The following ETV6 variants were observed in gnomAD, a reference collection of about 807,000 sequenced individuals.
ETV6 encodes the protein ETS variant transcription factor 6.
A neutral mutation model predicts 51.1 loss-of-function variants in ETV6; 16 were observed. That is an observed-to-expected ratio of 0.31 (90% CI 0.21 to 0.48). ETV6 has a LOEUF of 0.48. ETV6 is among the 20% of genes least tolerant of loss of function. The pLI, the probability that ETV6 is intolerant of heterozygous loss-of-function variation, is 0.99. For synonymous variants in ETV6, 240 were observed against 224.1 expected, an observed-to-expected ratio of 1.07 and a Z score of -0.64; for missense variants, 458 against 594.8, an observed-to-expected ratio of 0.77 and a Z score of 2.39.
intron 5 of ETV6, among the ~76,000 whole-genome samples, chr12:11,876,617 A>G (rs1474917425): frequency 6.6e-6 from 1 of 152,188 alleles, no homozygotes; most frequent in African/African-American, 2.4e-5. Context: ...CAATTGTTTT[A>G]TAATCCATTC....
chr12:11,851,071 G>C (rs1045557280), intron 3 of ETV6, among the ~76,000 whole-genome samples: 2 of 151,820 alleles, frequency 1.3e-5, no homozygotes, highest in African/African-American at 4.8e-5. Context: ...TGGTGCACAG[G>C]AGTTGGGACT....
chr12:11,729,790 T>G (rs1426899722), intron 1 of ETV6, among the ~76,000 whole-genome samples: 1 of 152,230 alleles, frequency 6.6e-6, no homozygotes, highest in Non-Finnish European at 1.5e-5. Flanking sequence ...TAAAAAATTT[T>G]TTTATCTTAC....
intron 2 of ETV6, among the ~76,000 whole-genome samples, chr12:11,812,677 G>A (rs533493404): frequency 6.8e-4 from 104 of 152,228 alleles, no homozygotes; most frequent in African/African-American, 2.4e-3. Flanking sequence ...CCACCACAAA[G>A]CCACGCTTTC....
At chr12:11,882,444 C>G (rs1313836450) in intron 5 of ETV6, among the ~76,000 whole-genome samples, 1 of 152,134 alleles carries the variant, frequency 6.6e-6, no homozygotes, top group Non-Finnish European at 1.5e-5. Flanking sequence ...TCCTGTGTGT[C>G]ATTCATAAGC....
At chr12:11,734,125 A>G (rs1473564242) in intron 1 of ETV6, among the ~76,000 whole-genome samples, 2 of 152,144 alleles carry the variant, frequency 1.3e-5, no homozygotes, top group Non-Finnish European at 2.9e-5. Flanking sequence ...TTGGATTTCC[A>G]TTTTCCCATT....
At chr12:11,680,636 C>T (rs1864509161) in intron 1 of ETV6, among the ~76,000 whole-genome samples, 1 of 152,232 alleles carries the variant, frequency 6.6e-6, no homozygotes, top group African/African-American at 2.4e-5. Context: ...AAATGATGAA[C>T]TGTCCCTATT....
chr12:11,704,283 A>G (rs1025771100), intron 1 of ETV6, among the ~76,000 whole-genome samples: 18 of 152,212 alleles, frequency 1.2e-4, no homozygotes, highest in Non-Finnish European at 1.8e-4. Context: ...TGCAAATACC[A>G]GAGAGAAGGA....
chr12:11,760,204 T>G (rs181225239), intron 2 of ETV6, among the ~76,000 whole-genome samples: 14 of 152,324 alleles, frequency 9.2e-5, no homozygotes, highest in African/African-American at 2.4e-4. Flanking sequence ...GCCCCAATAT[T>G]TACTGCCTCC....
chr12:11,849,414 A>G (rs781369837), intron 3 of ETV6, among the ~76,000 whole-genome samples: 1 of 152,120 alleles, frequency 6.6e-6, no homozygotes, highest in African/African-American at 2.4e-5. Context: ...ACCTAGCCAG[A>G]TTCTTTTGTT....
intron 3 of ETV6, among the ~76,000 whole-genome samples, chr12:11,850,586 A>G (rs572383197): frequency 6.6e-6 from 1 of 152,306 alleles, no homozygotes; most frequent in African/African-American, 2.4e-5. Flanking sequence ...AAAATCAATG[A>G]CTAGTGTTTA....
chr12:11,733,734 A>G (rs1408333670), intron 1 of ETV6, among the ~76,000 whole-genome samples: 2 of 152,204 alleles, frequency 1.3e-5, no homozygotes, highest in Non-Finnish European at 2.9e-5. Flanking sequence ...TTATTATTAG[A>G]GCAATCCAGT....
At chr12:11,684,297 G>A (rs1390189540) in intron 1 of ETV6, among the ~76,000 whole-genome samples, 1 of 152,220 alleles carries the variant, frequency 6.6e-6, no homozygotes, top group African/African-American at 2.4e-5. Flanking sequence ...TTTTTGAAAT[G>A]TTACTAATTT....
intron 7 of ETV6, among the ~76,000 whole-genome samples, chr12:11,886,520 T>C (rs894268498): frequency 6.6e-6 from 1 of 152,004 alleles, no homozygotes; most frequent in Non-Finnish European, 1.5e-5. Flanking sequence ...AATGCCAGAC[T>C]GCATGACATG....
At chr12:11,716,235 G>A (rs1044184779) in intron 1 of ETV6, among the ~76,000 whole-genome samples, 3 of 150,160 alleles carry the variant, frequency 2.0e-5, no homozygotes, top group Admixed American at 6.7e-5. Context: ...GGAGGCTGAG[G>A]CAGGAGAATA....
intron 1 of ETV6, among the ~76,000 whole-genome samples, chr12:11,700,633 A>G (rs895995453): frequency 6.6e-6 from 1 of 152,222 alleles, no homozygotes; most frequent in African/African-American, 2.4e-5. Flanking sequence ...CTTATAGTAC[A>G]GTAAGCTAAA....
intron 2 of ETV6, among the ~76,000 whole-genome samples, chr12:11,826,159 A>G (rs1408972835): frequency 6.6e-6 from 1 of 152,084 alleles, no homozygotes; most frequent in Non-Finnish European, 1.5e-5. Context: ...TACAAATAGT[A>G]GGGTAGCAGG....
intron 1 of ETV6, among the ~76,000 whole-genome samples, chr12:11,673,192 TTGATCCTGGC>T (rs1188251474): frequency 2.0e-5 from 3 of 152,096 alleles, no homozygotes; most frequent in Non-Finnish European, 4.4e-5. Flanking sequence ...AATGAGGGTG[TTGATCCTGGC>T]TGCAGAAGGG....
chr12:11,852,575 T>C (rs1946573592), intron 3 of ETV6, among the ~76,000 whole-genome samples: 3 of 152,234 alleles, frequency 2.0e-5, no homozygotes. Context: ...GCATTACAAA[T>C]GTTCTTAATG....
chr12:11,841,602 A>C (rs1946391193), intron 3 of ETV6, among the ~76,000 whole-genome samples: 1 of 152,206 alleles, frequency 6.6e-6, no homozygotes, highest in Non-Finnish European at 1.5e-5. Flanking sequence ...TGGCAATAGA[A>C]ATTCATTCCA....
Sources: gnomAD v4.1 joint callset for allele counts (sites outside exome capture counted in the v4.1 genomes callset) on GRCh38, gnomAD v4.1.1 for gene constraint, MANE v1.5 for transcripts, NCBI Gene and HGNC (gene_info 2026-07-23, HGNC 2026-07-21) for gene names.